The following CHIC2 variants were observed in gnomAD, a reference collection of about 807,000 sequenced individuals.
CHIC2 encodes the protein cysteine-rich hydrophobic domain-containing protein 2.
Under a neutral mutation model 25.9 loss-of-function variants are expected in CHIC2, and 14 were observed. That is an observed-to-expected ratio of 0.54 (90% CI 0.36 to 0.85). CHIC2 has a LOEUF of 0.85. Among genes scored for constraint, CHIC2 ranks in the 40% least tolerant of loss-of-function variants. CHIC2 has a pLI of 0.01. For missense variants in CHIC2, 146 were observed against 202.0 expected, an observed-to-expected ratio of 0.72 and a Z score of 1.68; for synonymous variants, 70 against 72.0, an observed-to-expected ratio of 0.97 and a Z score of 0.14.
At chr4:54,018,303 T>A (rs1715800664) in intron 3 of CHIC2, among the ~76,000 whole-genome samples, 1 of 152,144 alleles carries the variant, frequency 6.6e-6, no homozygotes, top group Non-Finnish European at 1.5e-5. Context: ...TAAGATTTCC[T>A]GAAAATTCAA....
At chr4:54,065,330 T>G (rs1386935092), upstream of CHIC2, 1 of 984,914 alleles carries the variant, frequency 1.0e-6, no homozygotes, top group Non-Finnish European at 1.2e-6. Context: ...AAGATGCAGT[T>G]TCTTGCCCCA....
rs553079246 is a variant in CHIC2 at position 54,056,396 on chromosome 4, T to C, written c.120-7091A>G. ...AGAGCAAAATAATGATGCTAAATTA[T>C]GTTCATTTAAGCAAAATATATGGTT... On this transcript the variant is annotated intron_variant, in intron 1 of 5. Coordinates refer to ENST00000263921, the MANE Select transcript of CHIC2 (RefSeq NM_012110.4). 2.6e-5 allele frequency among the ~76,000 whole-genome samples: 4 copies of C among 152,326 alleles called. No homozygotes were observed. In the East Asian group the frequency reaches 5.8e-4, roughly 22 times the overall value.
intron 1 of CHIC2, among the ~76,000 whole-genome samples, chr4:54,057,722 T>C (rs1270146330): frequency 6.6e-6 from 1 of 152,116 alleles, no homozygotes; most frequent in Non-Finnish European, 1.5e-5. Flanking sequence ...ACTCATTAAA[T>C]TACTTATCAG....
chr4:54,024,177 A>G (rs1715988955), intron 3 of CHIC2, among the ~76,000 whole-genome samples: 1 of 152,096 alleles, frequency 6.6e-6, no homozygotes, highest in South Asian at 2.1e-4. Context: ...ACCAAGGAAA[A>G]TATCTCCTTC....
chr4:54,053,829 T>C (rs1717082392), intron 1 of CHIC2, among the ~76,000 whole-genome samples: 1 of 152,154 alleles, frequency 6.6e-6, no homozygotes, highest in Non-Finnish European at 1.5e-5. Context: ...CTCGCTTTGT[T>C]GTTCAGGCTG....
chr4:54,036,172 GT>G, intron 3 of CHIC2, among the ~76,000 whole-genome samples: 1 of 152,306 alleles, frequency 6.6e-6, no homozygotes, highest in Non-Finnish European at 1.5e-5. Flanking sequence ...TTTGCCTATT[GT>G]TGGTTAGAGT....
chr4:54,009,969 A>AAAAAAAAAAAC lies in CHIC2; in HGVS notation c.*125_*126insGTTTTTTTTTT. On this transcript the variant is annotated 3_prime_UTR_variant, in exon 6 of 6. Coordinates refer to ENST00000263921, the MANE Select transcript of CHIC2 (RefSeq NM_012110.4). ...TGCGGTTATTTAAAAAAAAAACAAA[A>AAAAAAAAAAAC]ACAAAAACAAAAAAAACACCACACG... The AAAAAAAAAAAC allele has an allele frequency of 5.2e-6, 3 of 577,266 alleles. No individual in the cohort carries two copies. The South Asian group carries it at 9.0e-5, about 17-fold the overall frequency. The allele number at this position is 577,266 out of a possible 1,614,324, so 35.8% of individuals were successfully genotyped here. A position where few individuals can be genotyped will look rare whatever the true frequency, so the allele number is the denominator to read the frequency against.
chr4:54,049,460 A>G (rs1716937188), intron 1 of CHIC2, among the ~76,000 whole-genome samples, 155 bp from the exon 2 acceptor site: 1 of 152,214 alleles, frequency 6.6e-6, no homozygotes, highest in South Asian at 2.1e-4. Context: ...AACTGTAACA[A>G]GCAATTTATG....
the CHIC2 span, chr4:54,086,905 G>T: frequency 1.6e-6 from 1 of 614,900 alleles, no homozygotes; most frequent in Non-Finnish European, 3.0e-6. Context: ...AAAGATTGTT[G>T]GTTGGAATAA....
intron 5 of CHIC2, among the ~76,000 whole-genome samples, chr4:54,010,378 G>A (rs936774835): frequency 6.6e-6 from 1 of 151,998 alleles, no homozygotes; most frequent in Non-Finnish European, 1.5e-5. Context: ...TGAAAAGGAA[G>A]ACAAATAAGC....
chr4:54,018,603 T>C (rs1233380155), intron 3 of CHIC2, among the ~76,000 whole-genome samples: 1 of 152,030 alleles, frequency 6.6e-6, no homozygotes, highest in Admixed American at 6.6e-5. Flanking sequence ...ATAAAACCAA[T>C]GGAAATCTCA....
rs184578531 is a variant in CHIC2 at position 54,046,492 on chromosome 4, C to T, written c.330+2463G>A. ...CAGAACAGAGCCCTCAGAAAAAATG[C>T]CACATATCTACAACTATCTGATCTT... On this transcript the variant is annotated intron_variant, in intron 3 of 5. Transcript: ENST00000263921. Among the ~76,000 whole-genome samples, 1,091 of 152,204 alleles carry T rather than the reference C, an allele frequency of 7.2e-3. 13 individuals carry two copies. The highest frequency in any genetic ancestry group is 0.024 in the African/African-American group (984 of 41,514).
intron 3 of CHIC2, among the ~76,000 whole-genome samples, chr4:54,016,839 T>C (rs1715754133): frequency 1.3e-5 from 2 of 150,676 alleles, no homozygotes; most frequent in South Asian, 4.2e-4. Context: ...CTAGCAGTCA[T>C]TTAAAAAAAA....
At chr4:54,089,877 T>C in the CHIC2 span, among the ~76,000 whole-genome samples, 1 of 152,162 alleles carries the variant, frequency 6.6e-6, no homozygotes, top group African/African-American at 2.4e-5. Flanking sequence ...TTGCAACTTA[T>C]TGAGCACCAA....
At chr4:54,058,549 T>TACACACATACACACACAC (rs1176285644) in intron 1 of CHIC2, among the ~76,000 whole-genome samples, 7 of 126,994 alleles carry the variant, frequency 5.5e-5, no homozygotes, top group South Asian at 2.7e-4. Context: ...CATACACACA[T>TACACACATACACACACAC]ACACACACAT....
intron 1 of CHIC2, among the ~76,000 whole-genome samples, chr4:54,055,273 T>G (rs1391940417): frequency 6.6e-6 from 1 of 152,060 alleles, no homozygotes; most frequent in Non-Finnish European, 1.5e-5. Flanking sequence ...CATAACTGAC[T>G]TAAGAAATAC....
intron 3 of CHIC2, among the ~76,000 whole-genome samples, chr4:54,031,872 G>A (rs1037702033): frequency 2.0e-5 from 3 of 151,822 alleles, no homozygotes; most frequent in Admixed American, 6.6e-5. Flanking sequence ...CACTTGCCTC[G>A]GCCTCTCAAA....
intron 3 of CHIC2, among the ~76,000 whole-genome samples, chr4:54,047,496 G>A (rs1220034419): frequency 6.6e-6 from 1 of 152,052 alleles, no homozygotes; most frequent in East Asian, 1.9e-4. Flanking sequence ...CATGTCCTTT[G>A]TAAGGACATG....
chr4:54,017,218 A>G (rs1715763964), intron 3 of CHIC2, among the ~76,000 whole-genome samples: 1 of 152,308 alleles, frequency 6.6e-6, no homozygotes, highest in South Asian at 2.1e-4. Flanking sequence ...ATCTAATCAT[A>G]TAACAACCTG....
Sources: allele counts gnomAD v4.1 joint callset (sites outside exome capture counted in the v4.1 genomes callset), GRCh38; gene constraint gnomAD v4.1.1; transcripts MANE v1.5; gene names NCBI Gene and HGNC (gene_info 2026-07-23, HGNC 2026-07-21).